Variants in TBC1D30 observed in about 807,000 individuals in gnomAD.
TBC1D30 encodes the protein TBC1 domain family member 30.
Under a neutral mutation model 63.2 loss-of-function variants are expected in TBC1D30, and 31 were observed. The ratio of observed to expected loss-of-function variants is 0.49; its 90% CI spans 0.37 to 0.66. TBC1D30 has a LOEUF of 0.66. TBC1D30 is among the 30% of genes least tolerant of loss of function. The probability of loss-of-function intolerance (pLI) is 0.00; values close to 1 mark genes in which losing one functional copy is unlikely to be tolerated. For synonymous variants in TBC1D30, 307 were observed against 361.5 expected, an observed-to-expected ratio of 0.85 and a Z score of 1.71; for missense variants, 810 against 953.6, an observed-to-expected ratio of 0.85 and a Z score of 1.98.
chr12:64,849,521 A>G (rs2136420779), intron 8 of TBC1D30, among the ~76,000 whole-genome samples: 1 of 152,308 alleles, frequency 6.6e-6, no homozygotes, highest in Non-Finnish European at 1.5e-5. Flanking sequence ...CACCATTTAT[A>G]AATAGGGAAT....
upstream of TBC1D30, among the ~76,000 whole-genome samples, chr12:64,780,098 G>A (rs1042015558): frequency 1.3e-5 from 2 of 152,116 alleles, no homozygotes; most frequent in Admixed American, 1.3e-4. Context: ...CCTCACTCTG[G>A]TTACATCTTG....
chr12:64,866,992 C>A, intron 10 of TBC1D30, 89 bp downstream of exon 10: 1 of 1,397,056 alleles, frequency 7.2e-7, no homozygotes, highest in Non-Finnish European at 9.6e-7. Context: ...GCCCCAGTAA[C>A]TTTCTGAACT....
intron 10 of TBC1D30, chr12:64,868,410 C>A: frequency 4.7e-6 from 1 of 214,526 alleles, no homozygotes; most frequent in Non-Finnish European, 9.2e-6. Flanking sequence ...ACCATTGATA[C>A]CTCTGATCCT....
intron 8 of TBC1D30, among the ~76,000 whole-genome samples, chr12:64,851,219 C>T (rs955579542): frequency 7.2e-5 from 11 of 152,024 alleles, no homozygotes; most frequent in Non-Finnish European, 1.3e-4. Flanking sequence ...TTCAAAAAAC[C>T]ACCTCCTGGA....
Position 64,827,893 on chromosome 12 carries a change from G to C in TBC1D30, c.213G>C (p.Gln71His), listed in dbSNP as rs1039765513. 7.2e-6 allele frequency: 11 copies of C among 1,533,842 alleles called. No individual in the cohort carries two copies. The South Asian group carries it at 1.1e-4, about 15-fold the overall frequency. ...LEPSLGQNGFQQWYDALKAVA... is the reference protein window; with the variant it reads ...LEPSLGQNGFHQWYDALKAVA... ...CATCTTTAGGTCAAAATGGTTTTCA[G>C]CAGGTAACTTTGATTTTGAAAACAC... The change falls in exon 2 of 12, where the codon CAG (glutamine) becomes CAC (histidine). Residue 71 changes from glutamine to histidine, a missense_variant. Gln to His is a conservative substitution (Grantham distance 24). This residue lies in a region of TBC1D30 where 272 missense variants were observed against 335.9 expected (regional missense o/e 0.81). Transcript: ENST00000539867.
intron 10 of TBC1D30, among the ~76,000 whole-genome samples, chr12:64,869,837 G>C (rs1175291821): frequency 6.6e-6 from 1 of 152,180 alleles, no homozygotes. Flanking sequence ...CAGATGTTAG[G>C]ATAGTTGGAG....
chr12:64,791,342 T>C (rs909934106), intron 2 of TBC1D30, among the ~76,000 whole-genome samples: 3 of 152,190 alleles, frequency 2.0e-5, no homozygotes, highest in Admixed American at 2.0e-4. Flanking sequence ...TAGTTAGTGG[T>C]GATGGTTGTA....
chr12:64,771,954 A>G (rs1870920321), intron 1 of TBC1D30, among the ~76,000 whole-genome samples: 1 of 152,138 alleles, frequency 6.6e-6, no homozygotes, highest in Admixed American at 6.5e-5. Context: ...GGATGAACAT[A>G]CAGGAATAGG....
At chr12:64,833,719 T>C (rs953099869) in intron 5 of TBC1D30, among the ~76,000 whole-genome samples, 3 of 152,234 alleles carry the variant, frequency 2.0e-5, no homozygotes, top group African/African-American at 7.2e-5. Flanking sequence ...ACTTTTTCCA[T>C]TGATGTATTT....
In TBC1D30 at chr12:64,876,670, A is replaced by T; in HGVS notation, c.*882A>T. 2.4e-6 allele frequency: 1 copy of T among 408,288 alleles called. No homozygotes were observed. The highest frequency in any genetic ancestry group is 1.8e-5 in the South Asian group (1 of 55,074). The allele number at this position is 408,288 out of a possible 1,614,324, so 25.3% of individuals were successfully genotyped here. On this transcript the variant is annotated 3_prime_UTR_variant, in exon 12 of 12. Coordinates refer to ENST00000539867, the MANE Select transcript of TBC1D30 (RefSeq NM_015279.2). ...ACCAGCTCTAGACTGCAGACGCACAAGGCCTCTGCTCAGAAGCCAGAACAC... is the reference window on the plus strand; with the variant it reads ...ACCAGCTCTAGACTGCAGACGCACATGGCCTCTGCTCAGAAGCCAGAACAC...
chr12:64,764,961 G>A (rs1870650713), intron 1 of TBC1D30, among the ~76,000 whole-genome samples: 1 of 152,152 alleles, frequency 6.6e-6, no homozygotes, highest in Admixed American at 6.5e-5. Flanking sequence ...TGATCATCAG[G>A]AGCACTCCTT....
intron 2 of TBC1D30, among the ~76,000 whole-genome samples, 176 bp from the exon 3 acceptor site, chr12:64,828,268 G>A (rs1481455340): frequency 2.0e-5 from 3 of 152,340 alleles, no homozygotes; most frequent in African/African-American, 4.8e-5. Flanking sequence ...GGGGTGGGAC[G>A]TGGCACAGTA....
chr12:64,838,099 A>C (rs1424121468), intron 6 of TBC1D30, among the ~76,000 whole-genome samples: 1 of 152,186 alleles, frequency 6.6e-6, no homozygotes, highest in East Asian at 1.9e-4. Context: ...ATAAATTTAG[A>C]AATTTCAAAA....
At chr12:64,846,367 G>C (rs1445148168) in intron 8 of TBC1D30, among the ~76,000 whole-genome samples, 1 of 150,876 alleles carries the variant, frequency 6.6e-6, no homozygotes, top group Non-Finnish European at 1.5e-5. Context: ...CATTTTGATT[G>C]ATTTTTGTAT....
chr12:64,870,838 C>A (rs1249865496), intron 11 of TBC1D30, 30 bp downstream of exon 11: 12 of 1,531,444 alleles, frequency 7.8e-6, no homozygotes, highest in Non-Finnish European at 1.1e-5. Context: ...GAATCAATTT[C>A]AGCTCTATCT....
chr12:64,872,771 C>T (rs965966270), intron 11 of TBC1D30, among the ~76,000 whole-genome samples: 1 of 152,160 alleles, frequency 6.6e-6, no homozygotes, highest in Non-Finnish European at 1.5e-5. Flanking sequence ...GGAGGCCTCA[C>T]AATCATGGTG....
chr12:64,824,569 G>A (rs1874116398), upstream of TBC1D30: 2 of 302,198 alleles, frequency 6.6e-6, no homozygotes, highest in Admixed American at 5.2e-5. Flanking sequence ...ATTGGGGGCG[G>A]GCACGCCGCC....
chr12:64,799,350 T>C (rs1872472584), intron 2 of TBC1D30, among the ~76,000 whole-genome samples: 1 of 152,230 alleles, frequency 6.6e-6, no homozygotes, highest in Non-Finnish European at 1.5e-5. Context: ...GATGGTTATG[T>C]GAATTAAGTG....
chr12:64,772,073 G>A (rs1451175125), intron 1 of TBC1D30, among the ~76,000 whole-genome samples: 5 of 151,964 alleles, frequency 3.3e-5, no homozygotes, highest in Non-Finnish European at 7.4e-5. Context: ...TGACCAACAT[G>A]GAGAAACCCT....
Sources: allele counts gnomAD v4.1 joint callset (sites outside exome capture counted in the v4.1 genomes callset), GRCh38; gene constraint gnomAD v4.1.1; regional missense constraint gnomAD v4.1.1; transcripts MANE v1.5; gene names NCBI Gene and HGNC (gene_info 2026-07-23, HGNC 2026-07-21).